CTNND2: variants seen among roughly 807,000 people sequenced by gnomAD.
CTNND2 encodes the protein catenin delta-2.
CTNND2 carries 22 observed loss-of-function variants against 144.4 expected under a neutral mutation model. The observed-to-expected ratio is 0.15, with a 90% CI of 0.11 to 0.22. CTNND2 has a LOEUF of 0.22. Ranked by LOEUF, CTNND2 falls within the 10% of genes least tolerant of loss-of-function variation. The pLI is 1.00. For missense variants in CTNND2, 1,353 were observed against 1,618.8 expected (o/e 0.84, Z 2.82); for synonymous variants, 751 against 695.6 (o/e 1.08, Z -1.25).
At chr5:10,995,138 C>T (rs187619638) in intron 18 of CTNND2, among the ~76,000 whole-genome samples, 8 of 152,036 alleles carry the variant, frequency 5.3e-5, no homozygotes, top group East Asian at 3.9e-4. Flanking sequence ...GAATTTTGGA[C>T]GTCAGCATAT....
chr5:11,149,034 A>G (rs1285239328), intron 12 of CTNND2, among the ~76,000 whole-genome samples: 2 of 152,170 alleles, frequency 1.3e-5, no homozygotes, highest in African/African-American at 4.8e-5. Context: ...CTAGGAAGAA[A>G]CTCAGCGCTG....
At chr5:11,122,228 C>T (rs1580345706) in intron 12 of CTNND2, among the ~76,000 whole-genome samples, 1 of 148,098 alleles carries the variant, frequency 6.8e-6, no homozygotes, top group African/African-American at 2.6e-5. Flanking sequence ...TTGAGTTATT[C>T]GAGGCAGTTT....
At chr5:11,695,271 G>A (rs115382073) in intron 2 of CTNND2, among the ~76,000 whole-genome samples, 3,413 of 152,228 alleles carry the variant, frequency 0.022, 128 homozygotes, top group African/African-American at 0.077. Context: ...TATTGTTCAA[G>A]ACAAGTATCT....
At chr5:11,168,663 A>G (rs1759590932) in intron 11 of CTNND2, among the ~76,000 whole-genome samples, 1 of 152,044 alleles carries the variant, frequency 6.6e-6, no homozygotes, top group African/African-American at 2.4e-5. Flanking sequence ...TAAAGACTAT[A>G]CTCTTTTATC....
chr5:11,575,055 A>G (rs1413392055), intron 2 of CTNND2, among the ~76,000 whole-genome samples: 1 of 152,182 alleles, frequency 6.6e-6, no homozygotes, highest in East Asian at 1.9e-4. Context: ...TCTGTTCTAT[A>G]TATATGCACA....
chr5:11,469,232 T>C (rs1766936283), intron 3 of CTNND2, among the ~76,000 whole-genome samples: 1 of 152,196 alleles, frequency 6.6e-6, no homozygotes, highest in African/African-American at 2.4e-5. Context: ...TTCTCCATGT[T>C]GGGTGCCTGC....
At chr5:11,859,832 C>T (rs1015321120) in intron 1 of CTNND2, among the ~76,000 whole-genome samples, 1 of 152,042 alleles carries the variant, frequency 6.6e-6, no homozygotes, top group Non-Finnish European at 1.5e-5. Context: ...CTGAGCACCA[C>T]AAGGGCAGGT....
intron 9 of CTNND2, among the ~76,000 whole-genome samples, chr5:11,256,850 G>A (rs909415855): frequency 6.6e-6 from 1 of 152,178 alleles, no homozygotes; most frequent in African/African-American, 2.4e-5. Flanking sequence ...TTTGGGGCCA[G>A]GTAATTCTTG....
intron 2 of CTNND2, among the ~76,000 whole-genome samples, chr5:11,710,576 C>A (rs1785969908): frequency 6.6e-6 from 1 of 150,682 alleles, no homozygotes; most frequent in Non-Finnish European, 1.5e-5. Context: ...GAAAACTGAT[C>A]TCACAGCAAA....
intron 1 of CTNND2, among the ~76,000 whole-genome samples, chr5:11,878,669 C>G (rs1035486439): frequency 1.3e-5 from 2 of 152,158 alleles, no homozygotes; most frequent in Non-Finnish European, 2.9e-5. Context: ...GTGTCTACAC[C>G]TTTTCAGGTT....
chr5:11,404,005 C>T (rs1760860793), intron 5 of CTNND2, among the ~76,000 whole-genome samples: 2 of 152,090 alleles, frequency 1.3e-5, no homozygotes, highest in Non-Finnish European at 2.9e-5. Flanking sequence ...GTCTCTTAAC[C>T]CTCAAAATTA....
At chr5:11,538,595 C>A (rs1011259383) in intron 3 of CTNND2, among the ~76,000 whole-genome samples, 9 of 152,146 alleles carry the variant, frequency 5.9e-5, no homozygotes, top group Non-Finnish European at 1.3e-4. Flanking sequence ...CCCAGAAACC[C>A]AGTAACATGG....
intron 10 of CTNND2, among the ~76,000 whole-genome samples, chr5:11,223,072 TG>T (rs1336250299): frequency 1.3e-5 from 2 of 152,332 alleles, no homozygotes; most frequent in Admixed American, 6.5e-5. Flanking sequence ...AGGTGACTCC[TG>T]GGCTTTAGCA....
chr5:11,795,165 A>G (rs1410999184), intron 1 of CTNND2, among the ~76,000 whole-genome samples: 2 of 152,140 alleles, frequency 1.3e-5, no homozygotes, highest in Non-Finnish European at 2.9e-5. Flanking sequence ...CCCTGACTCC[A>G]ATGGAGGGCA....
intron 9 of CTNND2, among the ~76,000 whole-genome samples, chr5:11,244,918 T>A (rs1742838457): frequency 6.6e-6 from 1 of 152,218 alleles, no homozygotes. Flanking sequence ...ATATAAAATT[T>A]GTATTATTAA....
At chr5:11,367,808 A>G (rs2149776743) in intron 7 of CTNND2, among the ~76,000 whole-genome samples, 1 of 152,342 alleles carries the variant, frequency 6.6e-6, no homozygotes, top group South Asian at 2.1e-4. Flanking sequence ...CAAAGAGAAA[A>G]GGGGAAGTAG....
At chr5:11,448,102 T>C (rs1346850002) in intron 3 of CTNND2, among the ~76,000 whole-genome samples, 2 of 152,132 alleles carry the variant, frequency 1.3e-5, no homozygotes, top group Admixed American at 6.6e-5. Flanking sequence ...GGTGTGCAGA[T>C]TCACACATTT....
Position 11,017,562 on chromosome 5 carries a change from A to C in CTNND2, c.3084+412T>G, listed in dbSNP as rs1286608933. On this transcript the variant is annotated intron_variant, in intron 18 of 21. Coordinates refer to ENST00000304623, the MANE Select transcript of CTNND2 (RefSeq NM_001332.4). The stretch of plus-strand genomic sequence containing the variant: ...TCTTTCCATATATAAAGATATATAT[A>C]CATATATATATATATCTTTCCATAT... Among the ~76,000 whole-genome samples, 45 of 142,890 alleles carry C rather than the reference A, an allele frequency of 3.1e-4. No individual in the cohort carries two copies. The Admixed American group carries it at 3.2e-3, about 10-fold the overall frequency. 93.7% of individuals were successfully genotyped at this position (142,890 alleles called of 152,430 possible).
intron 7 of CTNND2, among the ~76,000 whole-genome samples, chr5:11,374,734 A>G (rs1424556234): frequency 7.2e-6 from 1 of 138,308 alleles, no homozygotes; most frequent in African/African-American, 2.7e-5. Context: ...CACTACGAAT[A>G]TTTCCATGGA....
Sources: allele counts gnomAD v4.1 joint callset (sites outside exome capture counted in the v4.1 genomes callset), GRCh38; gene constraint gnomAD v4.1.1; transcripts MANE v1.5; gene names NCBI Gene and HGNC (gene_info 2026-07-23, HGNC 2026-07-21).